Variants in ASIC1 observed in about 807,000 individuals in gnomAD.
ASIC1 encodes acid-sensing ion channel 1.
ASIC1 carries 21 observed loss-of-function variants against 63.4 expected under a neutral mutation model. The observed-to-expected ratio is 0.33, with a 90% CI of 0.23 to 0.48. The LOEUF (loss-of-function observed/expected upper bound fraction) is 0.48. Among genes scored for constraint, ASIC1 ranks in the 20% least tolerant of loss-of-function variants. ASIC1 has a pLI of 0.99. For synonymous variants in ASIC1, 258 were observed against 278.2 expected (o/e 0.93, Z 0.72); for missense variants, 478 against 695.5 (o/e 0.69, Z 3.52).
intron 3 of ASIC1, chr12:50,073,773 C>T (rs1403900871): frequency 2.6e-6 from 4 of 1,535,952 alleles, no homozygotes; most frequent in East Asian, 4.9e-5. Flanking sequence ...CACCCATGGA[C>T]TTGGTGGCCT....
rs947266681 is a variant in ASIC1 at position 50,073,758 on chromosome 12, G to C, written c.559-3455G>C. On this transcript the variant is annotated intron_variant, in intron 3 of 11. Coordinates refer to ENST00000447966, the MANE Select transcript of ASIC1 (RefSeq NM_001095.4). ...CAGTGAGGAAGGAGGCCAGTGAGGG[G>C]CATTCACCCATGGACTTGGTGGCCT... 2.6e-6 allele frequency: 4 copies of C among 1,536,164 alleles called. No individual in the cohort carries two copies. The African/African-American group carries it at 5.5e-5, about 21-fold the overall frequency.
intron 3 of ASIC1, among the ~76,000 whole-genome samples, chr12:50,064,017 G>A (rs928578266): frequency 3.9e-5 from 6 of 152,166 alleles, no homozygotes; most frequent in Non-Finnish European, 8.8e-5. Context: ...AGACTGCCAT[G>A]CAGACAGGGG....
intron 3 of ASIC1, among the ~76,000 whole-genome samples, chr12:50,068,682 T>TGCA (rs1950569309): frequency 6.6e-6 from 1 of 151,430 alleles, no homozygotes; most frequent in Non-Finnish European, 1.5e-5. Flanking sequence ...AGTCATCATC[T>TGCA]TACCTCCCAA....
In ASIC1 at chr12:50,078,290, C is replaced by CT; in HGVS notation, c.838-130dup. 1.3e-6 allele frequency: 2 copies of CT among 1,513,108 alleles called. No homozygotes were observed. Among genetic ancestry groups the CT allele is most frequent in the Non-Finnish European group, 1.8e-6 (2 of 1,119,486 alleles). 93.7% of individuals were successfully genotyped at this position (1,513,108 alleles called of 1,614,324 possible). ...AATGAACAAGAATGCTCTGTAAACT[C>CT]TGAGACCTTTGGAGGCTGCAGAGGG... is the stretch of plus-strand genomic sequence containing the variant. On this transcript the variant is annotated intron_variant, in intron 5 of 11. Transcript: ENST00000447966. This position sits in a 1 kb window ranked among gnomAD's most constrained non-coding sequence, Gnocchi z 6.0.
At chr12:50,063,984 G>A (rs1449498394) in intron 3 of ASIC1, among the ~76,000 whole-genome samples, 1 of 152,142 alleles carries the variant, frequency 6.6e-6, no homozygotes, top group Non-Finnish European at 1.5e-5. Flanking sequence ...GAGTGGAGGG[G>A]CTGCTGAAGG....
chr12:50,067,006 A>T (rs1417225325), intron 3 of ASIC1, among the ~76,000 whole-genome samples: 1 of 152,214 alleles, frequency 6.6e-6, no homozygotes, highest in Non-Finnish European at 1.5e-5. Flanking sequence ...CCCCATTGAC[A>T]ATGAAACATG....
At chr12:50,080,330 T>G (rs1592280283) in intron 8 of ASIC1, 168 bp from the exon 9 acceptor site, 1 of 790,366 alleles carries the variant, frequency 1.3e-6, no homozygotes, top group East Asian at 2.7e-5. Context: ...GAACATTTTT[T>G]CATATATGCC....
chr12:50,081,711 C>A lies in ASIC1; in HGVS notation c.*62C>A. On this transcript the variant is annotated 3_prime_UTR_variant, in exon 12 of 12. Coordinates refer to ENST00000447966, the MANE Select transcript of ASIC1 (RefSeq NM_001095.4). ...AGGACTAGGAGAGCGAGGGGGCCCC[C>A]AGCTGCCTCCTCACATCTGCCCTGG... 6.8e-7 allele frequency: 1 copy of A among 1,472,376 alleles called. No individual in the cohort carries two copies. The highest frequency in any genetic ancestry group is 9.3e-7 in the Non-Finnish European group (1 of 1,071,534). The allele number at this position is 1,472,376 out of a possible 1,614,324, so 91.2% of individuals were successfully genotyped here. A position where few individuals can be genotyped will look rare whatever the true frequency, so the allele number is the denominator to read the frequency against.
At chr12:50,061,448 A>G (rs145025973) in intron 3 of ASIC1, among the ~76,000 whole-genome samples, 4 of 152,274 alleles carry the variant, frequency 2.6e-5, no homozygotes, top group African/African-American at 9.6e-5. Context: ...GCTTCATAAC[A>G]GGAGAGTCCT....
chr12:50,068,881 C>T (rs1223444275), intron 3 of ASIC1, among the ~76,000 whole-genome samples: 1 of 152,150 alleles, frequency 6.6e-6, no homozygotes, highest in Admixed American at 6.5e-5. Flanking sequence ...CTCTTTGGGC[C>T]ACGGCAATGG....
Position 50,078,781 on chromosome 12 carries a change from G to A in ASIC1, c.995-143G>A. ...GTCTAGAAGGTATGGACCTGGAGTG[G>A]GTCACTTCTGGGGCAGCATGGGGGC... On this transcript the variant is annotated intron_variant, in intron 6 of 11. Transcript: ENST00000447966. The surrounding 1 kb of genome is among the most constrained non-coding windows in gnomAD (Gnocchi z 6.0). 2 of 1,303,478 alleles carry A rather than the reference G, an allele frequency of 1.5e-6. No individual in the cohort carries two copies. The highest frequency in any genetic ancestry group is 1.1e-6 in the Non-Finnish European group (1 of 905,994). The allele number at this position is 1,303,478 out of a possible 1,614,324, so 80.7% of individuals were successfully genotyped here.
chr12:50,080,250 CTCCTCCT>C, intron 8 of ASIC1, 195 bp downstream of exon 8: 1 of 825,914 alleles, frequency 1.2e-6, no homozygotes. Context: ...GCACCCCTTT[CTCCTCCT>C]TCTTCATCCT....
intron 3 of ASIC1, among the ~76,000 whole-genome samples, chr12:50,070,050 A>C (rs1215201084): frequency 6.6e-6 from 1 of 152,204 alleles, no homozygotes; most frequent in Non-Finnish European, 1.5e-5. Flanking sequence ...AGCATTACAC[A>C]GACATGAGGG....
At chr12:50,073,911 C>A (rs1950625908) in intron 3 of ASIC1, 2 of 1,535,484 alleles carry the variant, frequency 1.3e-6, no homozygotes, top group Admixed American at 2.0e-5. Context: ...AGGTAGGGGA[C>A]CGCGTTGCTT....
chr12:50,069,189 C>T (rs1980384), intron 3 of ASIC1, among the ~76,000 whole-genome samples: 3,367 of 144,090 alleles, frequency 0.023, 62 homozygotes, highest in Non-Finnish European at 0.034. Context: ...CTAGTGCGCA[C>T]GTGCACACAC....
At chr12:50,080,152 A>G (rs1399888064) in intron 8 of ASIC1, 97 bp downstream of exon 8, 1 of 1,470,396 alleles carries the variant, frequency 6.8e-7, no homozygotes, top group South Asian at 1.4e-5. Flanking sequence ...GGCAGGGGGA[A>G]CTTGAGATAA....
chr12:50,073,493 G>T, intron 3 of ASIC1: 1 of 1,433,214 alleles, frequency 7.0e-7, no homozygotes. Flanking sequence ...GGCTGGCTCT[G>T]CCGGACTCTG....
In ASIC1 at chr12:50,083,564, G is replaced by GGCTC. The variant is rs1475528414; in HGVS notation, c.*1916_*1919dup. 1.3e-5 allele frequency: 2 copies of GGCTC among 152,814 alleles called. No homozygotes were observed. The highest frequency in any genetic ancestry group is 1.3e-4 in the Admixed American group (2 of 15,290). 9.5% of individuals were successfully genotyped at this position (152,814 alleles called of 1,614,324 possible). On this transcript the variant is annotated 3_prime_UTR_variant, in exon 12 of 12. Transcript: ENST00000447966. ...CATTGGATAGGGGAACAGCAGGCAG[G>GGCTC]GCTCTGGGTGACGCATGCCTCTGGT...
At chr12:50,061,402 C>G (rs1252566203) in intron 3 of ASIC1, among the ~76,000 whole-genome samples, 1 of 152,146 alleles carries the variant, frequency 6.6e-6, no homozygotes, top group Non-Finnish European at 1.5e-5. Context: ...GGGAGCTTAG[C>G]CAAGATGCAA....
Sources: allele counts gnomAD v4.1 joint callset (sites outside exome capture counted in the v4.1 genomes callset), GRCh38; gene constraint gnomAD v4.1.1; non-coding constraint Gnocchi (gnomAD v3.1); transcripts MANE v1.5; gene names NCBI Gene and HGNC (gene_info 2026-07-23, HGNC 2026-07-21).